DPYS: variants seen among roughly 807,000 people sequenced by gnomAD.
DPYS encodes dihydropyrimidinase, also known as dihydropyrimidine amidohydrolase.
A neutral mutation model predicts 50.3 loss-of-function variants in DPYS; 39 were observed. The ratio of observed to expected loss-of-function variants is 0.78; its 90% CI spans 0.60 to 1.01. The LOEUF (loss-of-function observed/expected upper bound fraction) is 1.01, where lower values mean the gene tolerates loss of function less well. Ranked by LOEUF, DPYS falls within the 50% of genes least tolerant of loss-of-function variation. DPYS has a pLI of 0.00. For synonymous variants in DPYS, 245 were observed against 250.7 expected, an observed-to-expected ratio of 0.98 and a Z score of 0.22; for missense variants, 659 against 680.9, an observed-to-expected ratio of 0.97 and a Z score of 0.36.
chr8:104,465,084 C>T (rs926434553), intron 1 of DPYS, among the ~76,000 whole-genome samples: 11 of 152,144 alleles, frequency 7.2e-5, no homozygotes, highest in Admixed American at 7.2e-4. Flanking sequence ...GTCAAATCTA[C>T]CTGCCTTCCT....
At chr8:104,454,952 T>G (rs1275254648) in intron 1 of DPYS, among the ~76,000 whole-genome samples, 1 of 152,140 alleles carries the variant, frequency 6.6e-6, no homozygotes, top group Admixed American at 6.5e-5. Flanking sequence ...TTCCAATGTT[T>G]TGCATATTTT....
At chr8:104,447,642 T>G in intron 2 of DPYS, 139 bp from the exon 3 acceptor site, 1 of 979,218 alleles carries the variant, frequency 1.0e-6, no homozygotes, top group South Asian at 1.4e-5. Flanking sequence ...TCCACAAAAA[T>G]GCAATTAAGG....
intron 7 of DPYS, among the ~76,000 whole-genome samples, chr8:104,422,413 G>C (rs1564095228): frequency 6.6e-6 from 1 of 152,156 alleles, no homozygotes; most frequent in Non-Finnish European, 1.5e-5. Flanking sequence ...ATCTCATGAA[G>C]AAACATCTGA....
rs1284002704 is a variant in DPYS at position 104,444,508 on chromosome 8, T to A, written c.604-71A>T. 50 of 1,553,592 alleles carry A rather than the reference T, an allele frequency of 3.2e-5. 1 individual carries two copies. The highest frequency in any genetic ancestry group is 4.2e-5 in the Non-Finnish European group (48 of 1,137,332). ...AATGACAGATATCATTATTTTATCA[T>A]AAATTAAATGCAATGCCAGGCTTTT... On this transcript the variant is annotated intron_variant, in intron 3 of 9. Coordinates refer to ENST00000351513, the MANE Select transcript of DPYS (RefSeq NM_001385.3).
chr8:104,395,932 G>A (rs139680169), intron 7 of DPYS, among the ~76,000 whole-genome samples: 2 of 152,050 alleles, frequency 1.3e-5, no homozygotes, highest in East Asian at 3.9e-4. Flanking sequence ...AGAAGCAGGA[G>A]GCGGGTACAA....
chr8:104,414,890 C>T (rs542292637), intron 7 of DPYS, among the ~76,000 whole-genome samples: 66 of 152,314 alleles, frequency 4.3e-4, no homozygotes, highest in African/African-American at 1.4e-3. Flanking sequence ...ACCACATTCA[C>T]GAACAGGTCT....
At chr8:104,439,287 GA>G (rs1199172626) in intron 4 of DPYS, among the ~76,000 whole-genome samples, 1 of 152,098 alleles carries the variant, frequency 6.6e-6, no homozygotes, top group Non-Finnish European at 1.5e-5. Flanking sequence ...AAAAACTAAA[GA>G]TAGATAAGTT....
chr8:104,414,675 T>G (rs1812307003), intron 7 of DPYS, among the ~76,000 whole-genome samples: 3 of 152,274 alleles, frequency 2.0e-5, no homozygotes, highest in Admixed American at 2.0e-4. Flanking sequence ...GAAGACAAGG[T>G]TCTTTGCTGT....
intron 7 of DPYS, among the ~76,000 whole-genome samples, chr8:104,401,495 T>G (rs536595345): frequency 6.6e-6 from 1 of 152,164 alleles, no homozygotes; most frequent in East Asian, 1.9e-4. Flanking sequence ...ATACTGCCCC[T>G]CGAAAGCTTT....
rs1465386923 is a variant in DPYS, at chr8:104,402,618, G to A, written c.1236-9627C>T. On this transcript the variant is annotated intron_variant, in intron 7 of 9. Transcript: ENST00000351513. Reference sequence around the variant, plus strand: ...CTGACATTGCTTGACAGACTATGAGGACAACTTGAGCAGGAAAAGATGTCA... The same window carrying A: ...CTGACATTGCTTGACAGACTATGAGAACAACTTGAGCAGGAAAAGATGTCA... Among the ~76,000 whole-genome samples the A allele has an allele frequency of 2.0e-5, 3 of 152,146 alleles. No homozygotes were observed. The East Asian group carries it at 5.8e-4, about 29-fold the overall frequency.
At chr8:104,466,619 G>A (rs1043907488) in intron 1 of DPYS, 38 bp downstream of exon 1, 2 of 1,494,956 alleles carry the variant, frequency 1.3e-6, no homozygotes, top group Admixed American at 2.1e-5. Flanking sequence ...CCGAGCCTCC[G>A]TGGGTACCGC....
At chr8:104,465,449 G>T (rs1814335175) in intron 1 of DPYS, among the ~76,000 whole-genome samples, 1 of 152,198 alleles carries the variant, frequency 6.6e-6, no homozygotes, top group African/African-American at 2.4e-5. Context: ...TTTGGAAGGA[G>T]CCATTTCTCT....
intron 7 of DPYS, among the ~76,000 whole-genome samples, chr8:104,423,364 T>C (rs2140617939): frequency 6.6e-6 from 1 of 152,302 alleles, no homozygotes. Flanking sequence ...AGGCTTATAG[T>C]GATGGTACCT....
At chr8:104,461,445 G>T (rs1814164936) in intron 1 of DPYS, among the ~76,000 whole-genome samples, 2 of 152,168 alleles carry the variant, frequency 1.3e-5, no homozygotes, top group Admixed American at 1.3e-4. Flanking sequence ...TTTAAGATGT[G>T]TCTAATACTC....
chr8:104,440,002 G>T (rs1813289614), intron 4 of DPYS, among the ~76,000 whole-genome samples: 1 of 152,034 alleles, frequency 6.6e-6, no homozygotes, highest in Non-Finnish European at 1.5e-5. Flanking sequence ...AATTTCATCA[G>T]TCACAAAAGA....
chr8:104,386,526 C>T (rs1811218143), intron 8 of DPYS, among the ~76,000 whole-genome samples: 1 of 141,350 alleles, frequency 7.1e-6, no homozygotes, highest in African/African-American at 2.7e-5. Context: ...GAGTGAGACT[C>T]TTAAAAAAAA....
At chr8:104,398,627 A>G (rs568674885) in intron 7 of DPYS, among the ~76,000 whole-genome samples, 48 of 152,326 alleles carry the variant, frequency 3.2e-4, no homozygotes, top group Non-Finnish European at 6.6e-4. Context: ...TAATTTGAAA[A>G]ACACAAATTT....
intron 8 of DPYS, among the ~76,000 whole-genome samples, chr8:104,386,627 T>C (rs1274349918): frequency 6.6e-6 from 1 of 151,486 alleles, no homozygotes; most frequent in African/African-American, 2.4e-5. Flanking sequence ...TTTCTTTTTA[T>C]TTATTTATTT....
At chr8:104,450,145 AGAAGGAAGGGAG>A (rs1564110714) in intron 2 of DPYS, among the ~76,000 whole-genome samples, 2 of 65,392 alleles carry the variant, frequency 3.1e-5, no homozygotes, top group Non-Finnish European at 6.6e-5. Context: ...AAGAAAAGAA[AGAAGGAAGGGAG>A]GAAGGGAGGG....
Sources: gnomAD v4.1 joint callset for allele counts (sites outside exome capture counted in the v4.1 genomes callset) on GRCh38, gnomAD v4.1.1 for gene constraint, MANE v1.5 for transcripts, NCBI Gene and HGNC (gene_info 2026-07-23, HGNC 2026-07-21) for gene names.